The following SMG1 variants were observed in gnomAD, a reference collection of about 807,000 sequenced individuals.
The protein encoded by SMG1 is SMG1 nonsense mediated mRNA decay associated PI3K related kinase.
In SMG1, 22 loss-of-function variants were observed where a neutral mutation model predicts 419.9. That is an observed-to-expected ratio of 0.05 (90% CI 0.04 to 0.07). The LOEUF is 0.07. SMG1 is among the 10% of genes least tolerant of loss of function. The pLI, the probability that SMG1 is intolerant of heterozygous loss-of-function variation, is 1.00. For missense variants in SMG1, 3,185 were observed against 4,342.0 expected, an observed-to-expected ratio of 0.73 and a Z score of 7.49; for synonymous variants, 1,538 against 1,553.5, an observed-to-expected ratio of 0.99 and a Z score of 0.23.
chr16:18,814,283 G>A (rs2031774422), intron 60 of SMG1, among the ~76,000 whole-genome samples: 1 of 151,450 alleles, frequency 6.6e-6, no homozygotes, highest in Non-Finnish European at 1.5e-5. Context: ...ATTTGGAATG[G>A]AACTACAAAT....
rs2033302935 is a variant in SMG1 at position 18,832,925 on chromosome 16, C to A, written c.8792+15G>T. The stretch of plus-strand genomic sequence containing the variant: ...TCTCTTTTACAAGGAAACGGCACAG[C>A]CAGCATTCACTTGCCTGGCAACATC... On this transcript the variant is annotated intron_variant, in intron 51 of 62. Coordinates refer to ENST00000446231, the MANE Select transcript of SMG1 (RefSeq NM_015092.5). 6.2e-7 allele frequency: 1 copy of A among 1,606,530 alleles called. No individual in the cohort carries two copies. The highest frequency in any genetic ancestry group is 8.5e-7 in the Non-Finnish European group (1 of 1,173,350).
chr16:18,839,477 G>C (rs1389344038), intron 42 of SMG1, among the ~76,000 whole-genome samples: 1 of 152,058 alleles, frequency 6.6e-6, no homozygotes, highest in Admixed American at 6.6e-5. Context: ...ATTTGCTTAG[G>C]ATCTCCTTTT....
intron 1 of SMG1, among the ~76,000 whole-genome samples, chr16:18,909,353 A>AAAAAT (rs1344954841): frequency 6.6e-6 from 1 of 151,974 alleles, no homozygotes; most frequent in African/African-American, 2.4e-5. Context: ...AAAAAAAGGA[A>AAAAAT]AAAATAAAAT....
At chr16:18,887,709 T>C (rs1374218816) in intron 6 of SMG1, among the ~76,000 whole-genome samples, 1 of 130,280 alleles carries the variant, frequency 7.7e-6, no homozygotes, top group African/African-American at 2.9e-5. Flanking sequence ...ATTCCTTATA[T>C]TTCCTTTATA....
chr16:18,836,614 A>C (rs2141261798), intron 46 of SMG1, 82 bp from the exon 47 acceptor site: 2 of 1,438,130 alleles, frequency 1.4e-6, no homozygotes, highest in East Asian at 4.5e-5. Flanking sequence ...ATGTGCTCAC[A>C]CATGGACTGT....
intron 26 of SMG1, among the ~76,000 whole-genome samples, chr16:18,860,404 C>T (rs1002443808): frequency 7.2e-5 from 11 of 152,130 alleles, no homozygotes; most frequent in African/African-American, 2.7e-4. Flanking sequence ...AGCTGAAACA[C>T]TACTTTGTCC....
chr16:18,866,997 C>T (rs1197917455), intron 22 of SMG1, among the ~76,000 whole-genome samples: 1 of 152,020 alleles, frequency 6.6e-6, no homozygotes, highest in Non-Finnish European at 1.5e-5. Context: ...TGTTTGCACC[C>T]CCACCCCAAA....
chr16:18,836,562 A>G lies in SMG1; in HGVS notation c.7605-30T>C, dbSNP rs764444589. The stretch of plus-strand genomic sequence containing the variant: ...TCAGGGGGACACAAACAAAATCAAA[A>G]GATTTATTGCTGTTTTCTTCCACAT... On this transcript the variant is annotated intron_variant, in intron 46 of 62. Coordinates refer to ENST00000446231, the MANE Select transcript of SMG1 (RefSeq NM_015092.5). 1.9e-6 allele frequency: 3 copies of G among 1,609,288 alleles called. No homozygotes were observed. The African/African-American group carries it at 4.0e-5, about 22-fold the overall frequency.
At chr16:18,913,196 A>G (rs1466779417) in intron 1 of SMG1, among the ~76,000 whole-genome samples, 1 of 152,146 alleles carries the variant, frequency 6.6e-6, no homozygotes, top group Non-Finnish European at 1.5e-5. Flanking sequence ...CTGAACTTCC[A>G]CTATTAAAAT....
At chr16:18,861,656 G>T (rs1433689330) in intron 25 of SMG1, among the ~76,000 whole-genome samples, 1 of 152,138 alleles carries the variant, frequency 6.6e-6, no homozygotes, top group Admixed American at 6.5e-5. Context: ...GGGCACTGAT[G>T]AACTGCTGCC....
intron 12 of SMG1, among the ~76,000 whole-genome samples, chr16:18,876,668 T>TTG (rs1555500392): frequency 3.1e-5 from 4 of 128,452 alleles, no homozygotes; most frequent in East Asian, 3.1e-4. Flanking sequence ...ATGGCCGTTT[T>TTG]TTTTTTTTTT....
At chr16:18,919,657 TACACACACACAC>T (rs368125844) in intron 1 of SMG1, among the ~76,000 whole-genome samples, 2,193 of 125,818 alleles carry the variant, frequency 0.017, 69 homozygotes, top group African/African-American at 0.053. Context: ...TGTGTATATA[TACACACACACAC>T]ACACACACAC....
chr16:18,851,649 T>C (rs1309985365), intron 33 of SMG1, among the ~76,000 whole-genome samples: 1 of 152,214 alleles, frequency 6.6e-6, no homozygotes, highest in African/African-American at 2.4e-5. Context: ...TTCAAGTGGT[T>C]CACCTGCCTC....
intron 38 of SMG1, among the ~76,000 whole-genome samples, chr16:18,845,951 G>A (rs568531129): frequency 3.4e-4 from 51 of 151,930 alleles, no homozygotes; most frequent in Middle Eastern, 3.4e-3. Flanking sequence ...GAGTAGCTGC[G>A]ACTACACACG....
rs760995701 is a variant in SMG1 at position 18,836,446 on chromosome 16, A to C, written c.7691T>G (p.Ile2564Arg). 1 of 1,614,008 alleles carries C rather than the reference A, an allele frequency of 6.2e-7. No individual in the cohort carries two copies. The highest frequency in any genetic ancestry group is 1.1e-5 in the South Asian group (1 of 91,082). The change falls in exon 47 of 63, where the codon ATA (isoleucine) becomes AGA (arginine). Residue 2564 changes from isoleucine (I) to arginine (R), a missense_variant. This residue lies in a region of SMG1 where 412 missense variants were observed against 546.6 expected (regional missense o/e 0.75). Coordinates refer to ENST00000446231, the MANE Select transcript of SMG1 (RefSeq NM_015092.5). ...QVKLNEFEQW[I>R]THYQAAFNNL... The stretch of plus-strand genomic sequence containing the variant: ...ATTGAATGCAGCCTGATAATGTGTT[A>C]TCCATTGTTCAAATTCATTCAGCTT...
At chr16:18,870,255 G>A (rs751838284) in intron 18 of SMG1, among the ~76,000 whole-genome samples, 1 of 152,158 alleles carries the variant, frequency 6.6e-6, no homozygotes, top group African/African-American at 2.4e-5. Flanking sequence ...TTATGCTTAT[G>A]TATTACAAAA....
At chr16:18,907,875 C>T (rs1435945253) in intron 1 of SMG1, among the ~76,000 whole-genome samples, 1 of 141,088 alleles carries the variant, frequency 7.1e-6, no homozygotes, top group East Asian at 2.0e-4. Flanking sequence ...AAAAAGAGAC[C>T]CTACTTCAGC....
intron 1 of SMG1, among the ~76,000 whole-genome samples, chr16:18,921,508 G>A (rs376250616): frequency 4.6e-5 from 7 of 152,038 alleles, no homozygotes; most frequent in Non-Finnish European, 1.0e-4. Flanking sequence ...TTTGAAATCC[G>A]TGGAACAGAA....
At chr16:18,906,418 G>C (rs2037564397) in intron 1 of SMG1, among the ~76,000 whole-genome samples, 1 of 152,102 alleles carries the variant, frequency 6.6e-6, no homozygotes, top group Non-Finnish European at 1.5e-5. Context: ...AGGAGGTGGA[G>C]GTTGCAGTGA....
Sources: allele counts gnomAD v4.1 joint callset (sites outside exome capture counted in the v4.1 genomes callset), GRCh38; gene constraint gnomAD v4.1.1; regional missense constraint gnomAD v4.1.1; transcripts MANE v1.5; gene names NCBI Gene and HGNC (gene_info 2026-07-23, HGNC 2026-07-21).